The following SYBU variants were observed in gnomAD, a reference collection of about 807,000 sequenced individuals.
The protein encoded by SYBU is GOLSYN A protein.
Under a neutral mutation model 35.9 loss-of-function variants are expected in SYBU, and 21 were observed. The observed-to-expected ratio is 0.58, with a 90% CI of 0.41 to 0.84. SYBU has a LOEUF of 0.84. SYBU is among the 40% of genes least tolerant of loss of function. SYBU has a pLI of 0.00. For missense variants in SYBU, 768 were observed against 848.2 expected (o/e 0.91, Z 1.17); for synonymous variants, 319 against 324.3 (o/e 0.98, Z 0.18).
intron 1 of SYBU, among the ~76,000 whole-genome samples, chr8:109,673,805 C>T (rs537794002): frequency 6.6e-6 from 1 of 152,144 alleles, no homozygotes; most frequent in African/African-American, 2.4e-5. Context: ...AGAGGAATTG[C>T]TAACTAGAAT....
chr8:109,596,714 T>C (rs1300638631), intron 3 of SYBU, among the ~76,000 whole-genome samples: 1 of 152,208 alleles, frequency 6.6e-6, no homozygotes. Context: ...GAGTGTGTGA[T>C]TTTTATCCAT....
At chr8:109,679,450 A>C (rs1463900958) in intron 1 of SYBU, among the ~76,000 whole-genome samples, 1 of 152,256 alleles carries the variant, frequency 6.6e-6, no homozygotes, top group Non-Finnish European at 1.5e-5. Flanking sequence ...TGCAAGATCC[A>C]AGAACTCTCC....
At chr8:109,653,486 A>G (rs79165979) in intron 1 of SYBU, among the ~76,000 whole-genome samples, 2,429 of 152,160 alleles carry the variant, frequency 0.016, 67 homozygotes, top group African/African-American at 0.056. Flanking sequence ...AAGTTTCCCA[A>G]AAGTCTTAAC....
In SYBU at chr8:109,691,312, G is replaced by A; in HGVS notation, c.-58+21C>T. On this transcript the variant is annotated intron_variant, in intron 1 of 7. Transcript: ENST00000422135. This position sits in a 1 kb window ranked among gnomAD's most constrained non-coding sequence, Gnocchi z 4.7. ...TCCGCGGGCACTGACAGCAGAGACC[G>A]CATAGGCGCCCCGGTCTTACCCTTT... The A allele has an allele frequency of 1.4e-6, 1 of 700,518 alleles. No homozygotes were observed. Among genetic ancestry groups the A allele is most frequent in the East Asian group, 2.7e-5 (1 of 36,960 alleles). The allele number at this position is 700,518 out of a possible 1,614,324, so 43.4% of individuals were successfully genotyped here.
intron 3 of SYBU, among the ~76,000 whole-genome samples, chr8:109,587,742 G>A (rs1489015755): frequency 6.6e-6 from 1 of 152,124 alleles, no homozygotes; most frequent in Non-Finnish European, 1.5e-5. Flanking sequence ...AGCAAGTCCA[G>A]GTCTCTAGGA....
chr8:109,654,076 T>A (rs1816261060), intron 1 of SYBU, among the ~76,000 whole-genome samples: 1 of 152,218 alleles, frequency 6.6e-6, no homozygotes, highest in Non-Finnish European at 1.5e-5. Context: ...TAATCCATTT[T>A]TTTTACTGGA....
intron 2 of SYBU, among the ~76,000 whole-genome samples, chr8:109,637,952 G>T (rs900474139): frequency 1.3e-5 from 2 of 152,158 alleles, no homozygotes; most frequent in Non-Finnish European, 2.9e-5. Context: ...CTTGGGATTA[G>T]ACTGCAAAGA....
At chr8:109,640,644 G>A (rs964250818) in intron 2 of SYBU, among the ~76,000 whole-genome samples, 12 of 151,888 alleles carry the variant, frequency 7.9e-5, no homozygotes, top group Admixed American at 7.9e-4. Flanking sequence ...TTATCCTTTT[G>A]TTTTCTTCTT....
At chr8:109,623,778 G>C (rs372432552) in intron 2 of SYBU, among the ~76,000 whole-genome samples, 1 of 152,010 alleles carries the variant, frequency 6.6e-6, no homozygotes, top group African/African-American at 2.4e-5. Flanking sequence ...TAAATCTGTT[G>C]AGGTTGTTAA....
Position 109,642,831 on chromosome 8 carries a change from G to A in SYBU, c.126C>T (p.Ser42=). The part of the protein sequence containing the change: ...PHMPQQQHKV[S]PASESPFSEE... ...CAGAGAAAGGAGACTCAGAGGCTGG[G>A]GACACTTTGTGCTGTTGTTGGGGCA... Residue 42 remains serine (S), a synonymous_variant, in exon 2 of 7, where the codon TCC becomes TCT. Transcript: ENST00000276646. 1 of 1,613,152 alleles carries A rather than the reference G, an allele frequency of 6.2e-7. No homozygotes were observed. The highest frequency in any genetic ancestry group is 1.1e-5 in the South Asian group (1 of 90,860).
At chr8:109,688,400 T>C (rs975213866) in intron 1 of SYBU, among the ~76,000 whole-genome samples, 1 of 152,218 alleles carries the variant, frequency 6.6e-6, no homozygotes, top group Non-Finnish European at 1.5e-5. Context: ...CTTTCTTTCC[T>C]TTGCCAGTAC....
chr8:109,683,023 A>G (rs549995724), upstream of SYBU, among the ~76,000 whole-genome samples: 2 of 152,242 alleles, frequency 1.3e-5, no homozygotes, highest in Non-Finnish European at 2.9e-5. Context: ...TAGATTTCAG[A>G]GGATGTATGG....
Position 109,578,943 on chromosome 8 carries a change from G to A in SYBU, c.734+856C>T, listed in dbSNP as rs545300398. On this transcript the variant is annotated intron_variant, in intron 5 of 6. Transcript: ENST00000276646. Reference sequence around the variant, plus strand: ...CTTCCTCTACTTAACTCTCCCCAGTGTGTTTTGTAAGACAGGCTCAATGTT... The same window carrying A: ...CTTCCTCTACTTAACTCTCCCCAGTATGTTTTGTAAGACAGGCTCAATGTT... 7.9e-5 allele frequency among the ~76,000 whole-genome samples: 12 copies of A among 152,320 alleles called. No homozygotes were observed. The East Asian group carries it at 2.3e-3, about 29-fold the overall frequency.
Position 109,575,683 on chromosome 8 carries a change from G to A in SYBU, c.1215C>T (p.Pro405=), listed in dbSNP as rs771231470. The A allele has an allele frequency of 6.2e-7, 1 of 1,614,132 alleles. No individual in the cohort carries two copies. Among genetic ancestry groups the A allele is most frequent in the Non-Finnish European group, 8.5e-7 (1 of 1,180,022 alleles). The part of the protein sequence containing the change: ...DSPEKSLTLN[P]PLDTMADGLS... ...ACCCATCTGCCATTGTGTCAAGAGG[G>A]GGGTTGAGGGTTAAGCTCTTCTCTG... Residue 405 remains proline (P), a synonymous_variant, in exon 7 of 7, where the codon CCC becomes CCT. Transcript: ENST00000276646.
upstream of SYBU, among the ~76,000 whole-genome samples, chr8:109,685,775 T>G (rs1264492049): frequency 6.6e-6 from 1 of 152,202 alleles, no homozygotes; most frequent in Non-Finnish European, 1.5e-5. Flanking sequence ...GGCATAATTT[T>G]TATTTAAAAT....
At chr8:109,607,808 T>A (rs112099890) in intron 3 of SYBU, 7,193 of 377,172 alleles carry the variant, frequency 0.019, 136 homozygotes, top group Non-Finnish European at 0.024. Flanking sequence ...CACAACTAAC[T>A]CACACACACA....
chr8:109,683,414 T>C (rs377149608), upstream of SYBU, among the ~76,000 whole-genome samples: 66 of 152,338 alleles, frequency 4.3e-4, no homozygotes, highest in African/African-American at 1.6e-3. Flanking sequence ...ATTTTGAACT[T>C]GGATGGGACT....
chr8:109,588,259 A>G (rs1019075628), intron 3 of SYBU, among the ~76,000 whole-genome samples: 3 of 152,226 alleles, frequency 2.0e-5, no homozygotes, highest in Non-Finnish European at 4.4e-5. Flanking sequence ...GGAACAGATA[A>G]TTGCGGAAAA....
chr8:109,605,648 T>C (rs534637719), intron 3 of SYBU, among the ~76,000 whole-genome samples: 51 of 152,326 alleles, frequency 3.3e-4, no homozygotes, highest in African/African-American at 1.1e-3. Flanking sequence ...CGTTTTAAAA[T>C]AAGCACCAGC....
Sources: gnomAD v4.1 joint callset for allele counts (sites outside exome capture counted in the v4.1 genomes callset) on GRCh38, gnomAD v4.1.1 for gene constraint, Gnocchi (gnomAD v3.1) non-coding constraint, MANE v1.5 for transcripts, NCBI Gene and HGNC (gene_info 2026-07-23, HGNC 2026-07-21) for gene names.